CAPN5: variants seen among roughly 807,000 people sequenced by gnomAD.
CAPN5 encodes the protein calpain 5.
Under a neutral mutation model 73.0 loss-of-function variants are expected in CAPN5, and 54 were observed. The observed-to-expected ratio is 0.74, with a 90% CI of 0.59 to 0.93. The LOEUF is 0.93. Among genes scored for constraint, CAPN5 ranks in the 40% least tolerant of loss-of-function variants. The pLI is 0.00. For missense variants in CAPN5, 785 were observed against 882.9 expected (o/e 0.89, Z 1.41); for synonymous variants, 335 against 356.9 (o/e 0.94, Z 0.69).
At chr11:77,109,310 A>G (rs1005783103) in intron 3 of CAPN5, among the ~76,000 whole-genome samples, 2 of 152,096 alleles carry the variant, frequency 1.3e-5, no homozygotes, top group African/African-American at 4.8e-5. Context: ...ACTTCCCTCC[A>G]TCTACTATTT....
chr11:77,103,405 T>G, intron 3 of CAPN5: 2 of 1,513,496 alleles, frequency 1.3e-6, no homozygotes, highest in African/African-American at 1.4e-5. Context: ...CCCCCCTGTA[T>G]TTTTGGGGCC....
chr11:77,085,611 G>A (rs781974908), intron 2 of CAPN5, among the ~76,000 whole-genome samples: 7 of 152,126 alleles, frequency 4.6e-5, no homozygotes, highest in Non-Finnish European at 7.4e-5. Flanking sequence ...CAGCCAGTAC[G>A]GGACCATGGA....
chr11:77,104,072 T>C (rs1177080217), intron 3 of CAPN5, among the ~76,000 whole-genome samples: 1 of 152,238 alleles, frequency 6.6e-6, no homozygotes, highest in Non-Finnish European at 1.5e-5. Flanking sequence ...TAGAGGTCTA[T>C]TCCTACCCTA....
At position 77,125,721 on chromosome 11, in the gene CAPN5, TCAGGCTAA is replaced by T. The variant is rs1172015823; in HGVS notation, c.*1854_*1861del. 1.3e-5 allele frequency: 2 copies of T among 152,328 alleles called. No individual in the cohort carries two copies. The highest frequency in any genetic ancestry group is 3.9e-4 in the East Asian group (2 of 5,144). The allele number at this position is 152,328 out of a possible 1,614,324, so 9.4% of individuals were successfully genotyped here. On this transcript the variant is annotated 3_prime_UTR_variant, in exon 13 of 13. Coordinates refer to ENST00000648180, the MANE Select transcript of CAPN5 (RefSeq NM_004055.5). ...GGGGTGAAGTGAGCCAGCTTGCACCTCAGGCTAACACATAGGACTTTGCTCAGCCATGT... is the reference window on the plus strand; with the variant it reads ...GGGGTGAAGTGAGCCAGCTTGCACCTCACATAGGACTTTGCTCAGCCATGT...
rs782714088 is a variant in CAPN5, at chr11:77,115,430, G to A, written c.735G>A (p.Ala245=). ...VTAADMEARL[A]CGLVKGHAYA... ...CAGCTGACATGGAGGCCCGCCTGGCGTGCGGCCTGGTAAAGGGCCACGCAT... is the reference window on the plus strand; with the variant it reads ...CAGCTGACATGGAGGCCCGCCTGGCATGCGGCCTGGTAAAGGGCCACGCAT... The change falls in exon 6 of 13, where the codon GCG becomes GCA. Residue 245 remains alanine, a synonymous_variant. Transcript: ENST00000648180. 2.7e-5 allele frequency: 43 copies of A among 1,607,610 alleles called. No homozygotes were observed. Among genetic ancestry groups the A allele is most frequent in the Admixed American group, 3.3e-5 (2 of 59,910 alleles).
chr11:77,112,625 G>C lies in CAPN5; in HGVS notation c.334G>C (p.Glu112Gln). ...CTGGAAGGAGCAGGAATGGGACCCCGAAAAGCCCAACGCCTACGCGGGCAT... is the reference window on the plus strand; with the variant it reads ...CTGGAAGGAGCAGGAATGGGACCCCCAAAAGCCCAACGCCTACGCGGGCAT... Reference protein sequence around the residue: ...PDWKEQEWDPEKPNAYAGIFH... With the variant: ...PDWKEQEWDPQKPNAYAGIFH... The change falls in exon 4 of 13, where the codon GAA (glutamate) becomes CAA (glutamine). Residue 112 changes from glutamate to glutamine, a missense_variant. Coordinates refer to ENST00000648180, the MANE Select transcript of CAPN5 (RefSeq NM_004055.5). 6.2e-7 allele frequency: 1 copy of C among 1,613,934 alleles called. No individual in the cohort carries two copies. Among genetic ancestry groups the C allele is most frequent in the South Asian group, 1.1e-5 (1 of 91,070 alleles).
rs1555043691 is a variant in CAPN5 at position 77,125,376 on chromosome 11, G to A, written c.*1506G>A. On this transcript the variant is annotated 3_prime_UTR_variant, in exon 13 of 13. Coordinates refer to ENST00000648180, the MANE Select transcript of CAPN5 (RefSeq NM_004055.5). The stretch of plus-strand genomic sequence containing the variant: ...TGGGCCATATGAGGGGCCAGGAAAT[G>A]AACGACAAGGAGGATAAGAGTGTTC... 1 of 152,586 alleles carries A rather than the reference G, an allele frequency of 6.6e-6. No individual in the cohort carries two copies. The highest frequency in any genetic ancestry group is 2.1e-4 in the South Asian group (1 of 4,834). 9.5% of individuals were successfully genotyped at this position (152,586 alleles called of 1,614,324 possible).
At chr11:77,071,131 C>T (rs997372801) in intron 1 of CAPN5, among the ~76,000 whole-genome samples, 4 of 152,136 alleles carry the variant, frequency 2.6e-5, no homozygotes, top group African/African-American at 7.2e-5. Context: ...TCCCAGCTCC[C>T]GCCCCCACCC....
rs782301343 is a variant in CAPN5 at position 77,105,340 on chromosome 11, AT to A, written c.298-7248del. On this transcript the variant is annotated intron_variant, in intron 3 of 12. Transcript: ENST00000648180. ...CCTTCCAAGGAGGAGGCCTGGAATA[AT>A]CAGGGGCTTCACCGAATCTCCTGAG... Among the ~76,000 whole-genome samples the A allele has an allele frequency of 2.6e-5, 4 of 151,774 alleles. No individual in the cohort carries two copies. The East Asian group carries it at 7.8e-4, about 30-fold the overall frequency.
At chr11:77,068,741 C>G (rs1475526169) in intron 1 of CAPN5, among the ~76,000 whole-genome samples, 1 of 151,986 alleles carries the variant, frequency 6.6e-6, no homozygotes, top group Non-Finnish European at 1.5e-5. Flanking sequence ...GGAGGAGGGA[C>G]CCTGATAAAG....
intron 1 of CAPN5, 136 bp from the exon 2 acceptor site, chr11:77,084,716 T>C: frequency 2.8e-6 from 2 of 703,036 alleles, no homozygotes; most frequent in South Asian, 3.4e-5. Flanking sequence ...GTATACCAGC[T>C]GTGTGACCTT....
At chr11:77,084,507 G>A (rs1950060970) in intron 1 of CAPN5, among the ~76,000 whole-genome samples, 1 of 152,188 alleles carries the variant, frequency 6.6e-6, no homozygotes, top group South Asian at 2.1e-4. Context: ...CAGGGAGCTG[G>A]CAGGGCTGGC....
In CAPN5 at chr11:77,116,273, G is replaced by A. The variant is rs1555041757; in HGVS notation, c.941G>A (p.Gly314Asp). The A allele has an allele frequency of 1.9e-6, 3 of 1,613,768 alleles. No individual in the cohort carries two copies. Among genetic ancestry groups the A allele is most frequent in the Non-Finnish European group, 1.7e-6 (2 of 1,179,876 alleles). Residue 314 changes from glycine to aspartate, a missense_variant, in exon 7 of 13, where the codon GGT becomes GAT. Transcript: ENST00000648180. Reference sequence around the variant, plus strand: ...AGCAAGAGTGAGCGGGAGAAGATGGGTGTGACCGTGCAGGACGACGGTGAG... The same window carrying A: ...AGCAAGAGTGAGCGGGAGAAGATGGATGTGACCGTGCAGGACGACGGTGAG... ...KVSKSEREKM[G>D]VTVQDDGEFW...
At chr11:77,116,073 G>A (rs547328489) in intron 6 of CAPN5, among the ~76,000 whole-genome samples, 153 bp from the exon 7 acceptor site, 2 of 152,150 alleles carry the variant, frequency 1.3e-5, no homozygotes, top group Non-Finnish European at 2.9e-5. Context: ...CCTGGAGAGG[G>A]GCTGGGCATG....
At chr11:77,122,481 A>T in intron 11 of CAPN5, 95 bp from the exon 12 acceptor site, 1 of 1,081,662 alleles carries the variant, frequency 9.2e-7, no homozygotes, top group South Asian at 1.4e-5. Context: ...CCATCTGAAT[A>T]ACTGAGCCGG....
At chr11:77,101,427 G>A (rs549194172) in intron 3 of CAPN5, among the ~76,000 whole-genome samples, 1 of 152,310 alleles carries the variant, frequency 6.6e-6, no homozygotes, top group South Asian at 2.1e-4. Flanking sequence ...CAAAGCAAAA[G>A]GTTCTGTGAG....
chr11:77,086,788 G>A (rs1555035623), intron 2 of CAPN5, among the ~76,000 whole-genome samples: 1 of 152,220 alleles, frequency 6.6e-6, no homozygotes, highest in East Asian at 1.9e-4. Context: ...TAGGTCCGTG[G>A]CTCCGAAAAG....
intron 3 of CAPN5, among the ~76,000 whole-genome samples, chr11:77,098,016 A>T (rs1368661574): frequency 7.8e-5 from 7 of 89,196 alleles, no homozygotes; most frequent in Non-Finnish European, 1.1e-4. Context: ...GTGGCCGGGC[A>T]GAGGGGCTCC....
chr11:77,080,377 C>T (rs11237080), intron 1 of CAPN5, among the ~76,000 whole-genome samples: 2,495 of 152,248 alleles, frequency 0.016, 56 homozygotes, highest in African/African-American at 0.057. Flanking sequence ...CTGTGTCCTT[C>T]GTTCTTATTA....
Sources: allele counts gnomAD v4.1 joint callset (sites outside exome capture counted in the v4.1 genomes callset), GRCh38; gene constraint gnomAD v4.1.1; transcripts MANE v1.5; gene names NCBI Gene and HGNC (gene_info 2026-07-23, HGNC 2026-07-21).